TMEFF2: variants seen among roughly 807,000 people sequenced by gnomAD.
The protein encoded by TMEFF2 is transmembrane protein with EGF like and two follistatin like domains 2, also known as tomoregulin-2.
TMEFF2 carries 28 observed loss-of-function variants against 53.8 expected under a neutral mutation model. The observed-to-expected ratio is 0.52, with a 90% CI of 0.39 to 0.71. The LOEUF (loss-of-function observed/expected upper bound fraction) is 0.71. TMEFF2 is among the 30% of genes least tolerant of loss of function. The probability of loss-of-function intolerance (pLI) is 0.00; values close to 1 mark genes in which losing one functional copy is unlikely to be tolerated. For synonymous variants in TMEFF2, 162 were observed against 166.3 expected, an observed-to-expected ratio of 0.97 and a Z score of 0.20; for missense variants, 353 against 455.2, an observed-to-expected ratio of 0.78 and a Z score of 2.04.
At chr2:192,154,583 A>G (rs1453341121) in intron 4 of TMEFF2, among the ~76,000 whole-genome samples, 4 of 151,932 alleles carry the variant, frequency 2.6e-5, no homozygotes, top group African/African-American at 4.8e-5. Context: ...CACTTATTTC[A>G]TTTATTTTGG....
At chr2:192,075,074 TTAA>T (rs1266123661) in intron 4 of TMEFF2, among the ~76,000 whole-genome samples, 1 of 151,330 alleles carries the variant, frequency 6.6e-6, no homozygotes, top group Non-Finnish European at 1.5e-5. Context: ...TCTAAACATC[TTAA>T]TGACGAGCAT....
At chr2:192,019,457 A>G (rs1686814054) in intron 5 of TMEFF2, among the ~76,000 whole-genome samples, 1 of 152,098 alleles carries the variant, frequency 6.6e-6, no homozygotes, top group South Asian at 2.1e-4. Context: ...ATTGCATACC[A>G]GGAAATTGAC....
chr2:191,999,092 T>A lies in TMEFF2; in HGVS notation c.653A>T (p.Lys218Ile), dbSNP rs761373987. The A allele has an allele frequency of 6.2e-7, 1 of 1,610,796 alleles. No individual in the cohort carries two copies. Among genetic ancestry groups the A allele is most frequent in the East Asian group, 2.2e-5 (1 of 44,824 alleles). Residue 218 changes from lysine to isoleucine, a missense_variant, in exon 6 of 10, where the codon AAA becomes ATA. Lys to Ile is a moderately radical substitution (Grantham distance 102, BLOSUM62 -3). Transcript: ENST00000272771. ...IKEASCQKQEKIEVMSLGRCQ... is the reference protein window; with the variant it reads ...IKEASCQKQEIIEVMSLGRCQ... ...TCGACCCAAAGACATGACTTCAATT[T>A]TCTCCTGTTTCTGACACGATGCTTC...
chr2:191,983,959 A>G (rs13402536), intron 7 of TMEFF2, among the ~76,000 whole-genome samples: 3,942 of 152,302 alleles, frequency 0.026, 163 homozygotes, highest in African/African-American at 0.09. Context: ...ACATACAGCA[A>G]TGAATGAACT....
At chr2:192,039,655 A>T (rs1234130976) in intron 5 of TMEFF2, among the ~76,000 whole-genome samples, 1 of 152,222 alleles carries the variant, frequency 6.6e-6, no homozygotes, top group Non-Finnish European at 1.5e-5. Flanking sequence ...TTTTGAATAA[A>T]TCGGAGAATG....
chr2:192,002,971 C>T (rs1246446103), intron 5 of TMEFF2, among the ~76,000 whole-genome samples: 1 of 152,096 alleles, frequency 6.6e-6, no homozygotes, highest in East Asian at 1.9e-4. Context: ...TACTATATTC[C>T]ATGTATATAT....
At position 191,953,606 on chromosome 2, in the gene TMEFF2, G is replaced by A. The variant is rs544357833; in HGVS notation, c.1028+73C>T. 2.1e-5 allele frequency: 33 copies of A among 1,541,776 alleles called. No individual in the cohort carries two copies. In the East Asian group the frequency reaches 3.2e-4, roughly 15 times the overall value. ...CAGAGTCCATGAAGGAACTCACCTC[G>A]GAGGGATCTGATTAAATAAAAGAGT... On this transcript the variant is annotated intron_variant, in intron 9 of 9. Transcript: ENST00000272771.
chr2:192,057,432 A>G (rs1687937290), intron 5 of TMEFF2, among the ~76,000 whole-genome samples: 1 of 151,952 alleles, frequency 6.6e-6, no homozygotes, highest in Admixed American at 6.6e-5. Context: ...CCTAACATTG[A>G]CAGTTTTGGG....
chr2:192,043,084 AG>A (rs1687524441), intron 5 of TMEFF2, among the ~76,000 whole-genome samples: 1 of 152,206 alleles, frequency 6.6e-6, no homozygotes, highest in Admixed American at 6.5e-5. Flanking sequence ...GCCAAAAGCA[AG>A]GTCAAAAGCA....
At chr2:191,954,026 T>C (rs1345008394) in intron 8 of TMEFF2, among the ~76,000 whole-genome samples, 189 bp from the exon 9 acceptor site, 2 of 151,392 alleles carry the variant, frequency 1.3e-5, no homozygotes, top group African/African-American at 4.8e-5. Flanking sequence ...TAGCTGGGAC[T>C]ACAGGCGCCC....
At chr2:192,034,771 A>T (rs919156803) in intron 5 of TMEFF2, 1 of 152,216 alleles carries the variant, frequency 6.6e-6, no homozygotes, top group East Asian at 1.9e-4. Context: ...TCAACCTGTC[A>T]TACTAGTTGT....
rs563994027 is a variant in TMEFF2 at position 192,180,211 on chromosome 2, GT to G, written c.413-518del. Among the ~76,000 whole-genome samples, 16 of 151,698 alleles carry G rather than the reference GT, an allele frequency of 1.1e-4. No individual in the cohort carries two copies. In the East Asian group the frequency reaches 3.1e-3, roughly 29 times the overall value. On this transcript the variant is annotated intron_variant, in intron 3 of 9. Transcript: ENST00000272771. ...ACCACAATTGTGGATGATTCCATCT[GT>G]GTCAAATCATCCTTTGTTTTTGAAG...
At chr2:192,185,859 G>A (rs1691298933) in intron 2 of TMEFF2, among the ~76,000 whole-genome samples, 1 of 152,032 alleles carries the variant, frequency 6.6e-6, no homozygotes, top group Admixed American at 6.6e-5. Context: ...AATTCTATAA[G>A]TTTTACTTTT....
intron 4 of TMEFF2, among the ~76,000 whole-genome samples, chr2:192,079,329 T>C (rs1267612953): frequency 6.6e-6 from 1 of 152,238 alleles, no homozygotes; most frequent in African/African-American, 2.4e-5. Flanking sequence ...CTTTTCATAG[T>C]TTTCGGACCT....
chr2:192,189,903 C>A (rs188513359), intron 2 of TMEFF2, among the ~76,000 whole-genome samples: 1 of 152,166 alleles, frequency 6.6e-6, no homozygotes, highest in African/African-American at 2.4e-5. Flanking sequence ...TTGCAAAGCA[C>A]AAACTAATAG....
At chr2:191,964,073 G>A (rs1692344979) in intron 7 of TMEFF2, among the ~76,000 whole-genome samples, 1 of 151,916 alleles carries the variant, frequency 6.6e-6, no homozygotes, top group Non-Finnish European at 1.5e-5. Flanking sequence ...TGATAGTTAG[G>A]AACTTATAAA....
chr2:192,112,936 C>T (rs55980754), intron 4 of TMEFF2, among the ~76,000 whole-genome samples: 64,754 of 151,902 alleles, frequency 0.43, 14,021 homozygotes, highest in South Asian at 0.49. Context: ...TGTGAGGCCT[C>T]CTCAGCCACG....
intron 5 of TMEFF2, among the ~76,000 whole-genome samples, chr2:192,046,909 C>T (rs1220000112): frequency 1.2e-5 from 1 of 82,032 alleles, no homozygotes; most frequent in Admixed American, 1.4e-4. Flanking sequence ...CCTGTGTTAC[C>T]TGTTTTTTTT....
intron 5 of TMEFF2, among the ~76,000 whole-genome samples, chr2:192,019,259 A>G (rs1163899254): frequency 2.0e-5 from 3 of 152,012 alleles, no homozygotes; most frequent in East Asian, 1.9e-4. Flanking sequence ...TTAAAACATA[A>G]AAGATGGTAA....
Sources: gnomAD v4.1 joint callset for allele counts (sites outside exome capture counted in the v4.1 genomes callset) on GRCh38, gnomAD v4.1.1 for gene constraint, MANE v1.5 for transcripts, NCBI Gene and HGNC (gene_info 2026-07-23, HGNC 2026-07-21) for gene names.